The following COL4A4 variants were observed in gnomAD, a reference collection of about 807,000 sequenced individuals.
The protein encoded by COL4A4 is collagen type IV alpha 4 chain.
In COL4A4, 105 loss-of-function variants were observed where a neutral mutation model predicts 192.9. That is an observed-to-expected ratio of 0.54 (90% confidence interval 0.46 to 0.64). COL4A4 has a LOEUF of 0.64. Ranked by LOEUF, COL4A4 falls within the 30% of genes least tolerant of loss-of-function variation. The pLI, the probability that COL4A4 is intolerant of heterozygous loss-of-function variation, is 0.00. For missense variants in COL4A4, 1,967 were observed against 2,169.3 expected, an observed-to-expected ratio of 0.91 and a Z score of 1.85; for synonymous variants, 762 against 769.9, an observed-to-expected ratio of 0.99 and a Z score of 0.17.
chr2:227,162,787 A>C (rs2064949742), intron 1 of COL4A4, among the ~76,000 whole-genome samples: 2 of 152,348 alleles, frequency 1.3e-5, no homozygotes, highest in South Asian at 4.1e-4. Context: ...TTGGCTTGGA[A>C]TGGTCTGGGT....
chr2:227,042,066 C>T (rs935790768), intron 37 of COL4A4, 82 bp downstream of exon 37: 2 of 856,496 alleles, frequency 2.3e-6, no homozygotes, highest in African/African-American at 1.7e-5. Flanking sequence ...CAGGGTCACT[C>T]ACTGGTACAG....
At chr2:227,091,090 TC>T (rs2059895150) in intron 20 of COL4A4, among the ~76,000 whole-genome samples, 1 of 151,262 alleles carries the variant, frequency 6.6e-6, no homozygotes, top group Admixed American at 6.6e-5. Context: ...CCCCCTACTA[TC>T]CCCGCCAAAA....
chr2:227,111,334 T>G (rs763614447), intron 9 of COL4A4, among the ~76,000 whole-genome samples: 29 of 152,162 alleles, frequency 1.9e-4, no homozygotes, highest in Non-Finnish European at 4.1e-4. Context: ...ATTATACATG[T>G]AGTTGCTAAG....
At chr2:227,144,102 T>C (rs1222175983) in intron 3 of COL4A4, among the ~76,000 whole-genome samples, 2 of 152,222 alleles carry the variant, frequency 1.3e-5, no homozygotes, top group African/African-American at 4.8e-5. Flanking sequence ...CAGACACGTC[T>C]GAGGGTGAGT....
intron 10 of COL4A4, 26 bp from the exon 11 acceptor site, chr2:227,108,894 A>C (rs1273011507): frequency 6.2e-7 from 1 of 1,609,058 alleles, no homozygotes; most frequent in Non-Finnish European, 8.5e-7. Context: ...AAAAAACACA[A>C]ATCAATCATC....
At chr2:227,020,187 A>T (rs1965728502) in intron 44 of COL4A4, among the ~76,000 whole-genome samples, 1 of 152,220 alleles carries the variant, frequency 6.6e-6, no homozygotes, top group South Asian at 2.1e-4. Context: ...GTTATAGGTC[A>T]CGTCTTCAAG....
At position 227,007,383 on chromosome 2, in the gene COL4A4, T is replaced by G. The variant is rs1354826968; in HGVS notation, c.5015A>C (p.Glu1672Ala). The G allele has an allele frequency of 6.2e-6, 10 of 1,614,134 alleles. No individual in the cohort carries two copies. The highest frequency in any genetic ancestry group is 2.2e-5 in the South Asian group (2 of 91,094). The change falls in exon 48 of 48, where the codon GAA (glutamate) becomes GCA (alanine). Residue 1672 changes from glutamate to alanine, a missense_variant. Coordinates refer to ENST00000396625, the MANE Select transcript of COL4A4 (RefSeq NM_000092.5). Reference sequence around the variant, plus strand: ...GATTTTCTGGCGTTGGGCCTGGCTTTCTTTTAAGGTGTCTGGTGCTGGAGC... The same window carrying G: ...GATTTTCTGGCGTTGGGCCTGGCTTGCTTTTAAGGTGTCTGGTGCTGGAGC... The part of the protein sequence containing the change: ...SSAPAPDTLK[E>A]SQAQRQKISR...
chr2:227,158,557 T>C (rs1428814324), intron 1 of COL4A4, among the ~76,000 whole-genome samples: 1 of 151,940 alleles, frequency 6.6e-6, no homozygotes, highest in African/African-American at 2.4e-5. Flanking sequence ...TGGGAGAAAA[T>C]ACTCACAATA....
chr2:227,089,526 T>A (rs1033293373), intron 21 of COL4A4, among the ~76,000 whole-genome samples: 2 of 147,950 alleles, frequency 1.4e-5, no homozygotes, highest in Admixed American at 6.9e-5. Flanking sequence ...TCTCAAGGAA[T>A]CAAGAGGACC....
intron 1 of COL4A4, among the ~76,000 whole-genome samples, chr2:227,149,854 G>A (rs2063806460): frequency 6.6e-6 from 1 of 151,736 alleles, no homozygotes; most frequent in Non-Finnish European, 1.5e-5. Context: ...TAATTGGATG[G>A]ATGGATGGAT....
chr2:226,976,233 T>G, the COL4A4 span, among the ~76,000 whole-genome samples: 1 of 147,620 alleles, frequency 6.8e-6, no homozygotes, highest in Non-Finnish European at 1.5e-5. Context: ...CCATTGTCAC[T>G]TAAGTCCTCT....
chr2:227,042,752 AG>A (rs1422189009), intron 36 of COL4A4, among the ~76,000 whole-genome samples: 2 of 152,206 alleles, frequency 1.3e-5, no homozygotes, highest in Admixed American at 6.5e-5. Context: ...ACCACACTCC[AG>A]CCTTGTTAAT....
chr2:227,008,157 T>C lies in COL4A4; in HGVS notation c.4670A>G (p.Glu1557Gly). Residue 1557 changes from glutamate (E) to glycine (G), a missense_variant, in exon 47 of 48, where the codon GAG becomes GGG. Glu to Gly is a moderately conservative substitution (Grantham distance 98). Coordinates refer to ENST00000396625, the MANE Select transcript of COL4A4 (RefSeq NM_000092.5). ...GCGGCTGACATAGGGGCGGATCGCC[T>C]CTTCAGAGAGTGGCATCATGGGGAG... ...APLPMMPLSE[E>G]AIRPYVSRCA... The C allele has an allele frequency of 1.2e-6, 2 of 1,614,050 alleles. No individual in the cohort carries two copies. The highest frequency in any genetic ancestry group is 1.3e-5 in the African/African-American group (1 of 75,068).
chr2:227,050,930 C>T (rs1973962735), intron 33 of COL4A4, 47 bp downstream of exon 33: 1 of 1,610,936 alleles, frequency 6.2e-7, no homozygotes, highest in Non-Finnish European at 8.5e-7. Context: ...ATCCTAAGAA[C>T]AGAAAGGTTT....
chr2:227,133,487 C>T (rs2062615847), intron 4 of COL4A4, among the ~76,000 whole-genome samples: 1 of 152,206 alleles, frequency 6.6e-6, no homozygotes, highest in Admixed American at 6.5e-5. Context: ...ATGTAGACAT[C>T]AGCTGCTGCT....
chr2:227,100,172 A>ATG (rs77230256), intron 17 of COL4A4, among the ~76,000 whole-genome samples: 12,819 of 152,218 alleles, frequency 0.084, 712 homozygotes, highest in East Asian at 0.24. Context: ...CAAGTGCCAG[A>ATG]TGAGGTCACA....
At chr2:227,155,165 T>G (rs2064236201) in intron 1 of COL4A4, among the ~76,000 whole-genome samples, 4 of 152,178 alleles carry the variant, frequency 2.6e-5, no homozygotes, top group Non-Finnish European at 5.9e-5. Context: ...TGTGCTGGAC[T>G]ATGGCCAAGC....
chr2:227,055,514 T>C (rs1576170739), intron 30 of COL4A4, among the ~76,000 whole-genome samples: 2 of 151,668 alleles, frequency 1.3e-5, no homozygotes, highest in South Asian at 4.2e-4. Context: ...ATAATAATAA[T>C]AAAATAAAAA....
Position 227,079,248 on chromosome 2 carries a change from C to A in COL4A4, c.1804-1171G>T, listed in dbSNP as rs1055958733. On this transcript the variant is annotated intron_variant, in intron 24 of 47. Transcript: ENST00000396625. ...TGTGGTCTACAACAGTCTTATGGATCTGGATTGTTTCAACGAATCTAGGAA... is the reference window on the plus strand; with the variant it reads ...TGTGGTCTACAACAGTCTTATGGATATGGATTGTTTCAACGAATCTAGGAA... Among the ~76,000 whole-genome samples, 63 of 152,178 alleles carry A rather than the reference C, an allele frequency of 4.1e-4. 1 individual carries two copies.
Sources: allele counts gnomAD v4.1 joint callset (sites outside exome capture counted in the v4.1 genomes callset), GRCh38; gene constraint gnomAD v4.1.1; transcripts MANE v1.5; gene names NCBI Gene and HGNC (gene_info 2026-07-23, HGNC 2026-07-21).